Variants in CDH8 observed in about 807,000 individuals in gnomAD.
CDH8 encodes the protein cadherin-8.
A neutral mutation model predicts 68.1 loss-of-function variants in CDH8; 17 were observed. The observed-to-expected ratio is 0.25, with a 90% CI of 0.17 to 0.37. The LOEUF (loss-of-function observed/expected upper bound fraction) is 0.37. Ranked by LOEUF, CDH8 falls within the 10% of genes least tolerant of loss-of-function variation. The probability of loss-of-function intolerance (pLI) is 1.00; values close to 1 mark genes in which losing one functional copy is unlikely to be tolerated. For synonymous variants in CDH8, 372 were observed against 365.1 expected, an observed-to-expected ratio of 1.02 and a Z score of -0.21; for missense variants, 763 against 999.3, an observed-to-expected ratio of 0.76 and a Z score of 3.19.
At chr16:61,692,923 C>A (rs1964258206) in intron 10 of CDH8, 1 of 152,040 alleles carries the variant, frequency 6.6e-6, no homozygotes, top group African/African-American at 2.4e-5. Flanking sequence ...GCAAAGTGGT[C>A]AACTGAGTCA....
intron 8 of CDH8, among the ~76,000 whole-genome samples, chr16:61,787,941 T>TGGG (rs1555510338): frequency 5.6e-4 from 44 of 78,704 alleles, no homozygotes; most frequent in African/African-American, 1.7e-3. Context: ...GGGACTGTGG[T>TGGG]GGGGGGGGCG....
intron 2 of CDH8, chr16:61,940,396 A>ATTTTTTTTTTTT (rs1597078843): frequency 8.3e-6 from 1 of 121,054 alleles, no homozygotes; most frequent in African/African-American, 3.8e-5. Flanking sequence ...GAACTACTTG[A>ATTTTTTTTTTTT]TCTTTTTTTT....
intron 2 of CDH8, among the ~76,000 whole-genome samples, chr16:61,921,166 G>A (rs917461204): frequency 1.0e-4 from 15 of 149,970 alleles, no homozygotes; most frequent in African/African-American, 3.7e-4. Context: ...ATGACGAGTT[G>A]GTGGGTGCAC....
intron 5 of CDH8, among the ~76,000 whole-genome samples, chr16:61,822,450 T>C (rs1237886318): frequency 1.3e-5 from 2 of 151,226 alleles, no homozygotes; most frequent in Non-Finnish European, 1.5e-5. Flanking sequence ...AAAGGAAAAA[T>C]CAAATCTGGA....
intron 8 of CDH8, among the ~76,000 whole-genome samples, chr16:61,776,239 CA>C (rs1960896939): frequency 2.0e-5 from 3 of 152,242 alleles, no homozygotes; most frequent in Admixed American, 2.0e-4. Flanking sequence ...TAACAAACTT[CA>C]AATATAGCCG....
At chr16:61,769,242 A>G (rs8051807) in intron 8 of CDH8, among the ~76,000 whole-genome samples, 12 of 151,694 alleles carry the variant, frequency 7.9e-5, no homozygotes, top group African/African-American at 1.7e-4. Context: ...TCCCTGGACC[A>G]CTCTTTGAAT....
In CDH8 at chr16:61,853,713, G is replaced by A. The variant is rs556589125; in HGVS notation, c.667+3406C>T. On this transcript the variant is annotated intron_variant, in intron 4 of 11. Coordinates refer to ENST00000577390, the MANE Select transcript of CDH8 (RefSeq NM_001796.5). Reference sequence around the variant, plus strand: ...CAGAGGTATGTGGGTCTTAGGTAACGAGTCTCTGCTCATCCATGACATTTT... The same window carrying A: ...CAGAGGTATGTGGGTCTTAGGTAACAAGTCTCTGCTCATCCATGACATTTT... Among the ~76,000 whole-genome samples, 4 of 152,174 alleles carry A rather than the reference G, an allele frequency of 2.6e-5. No individual in the cohort carries two copies. In the East Asian group the frequency reaches 5.8e-4, roughly 22 times the overall value.
intron 2 of CDH8, among the ~76,000 whole-genome samples, chr16:62,019,977 A>G (rs1902032759): frequency 6.6e-6 from 1 of 152,210 alleles, no homozygotes. Context: ...CATCTGGCAC[A>G]TAGGAAAGGC....
intron 3 of CDH8, among the ~76,000 whole-genome samples, chr16:61,890,930 T>G (rs1963763841): frequency 6.6e-6 from 1 of 152,094 alleles, no homozygotes; most frequent in Non-Finnish European, 1.5e-5. Flanking sequence ...CCAGACAGGG[T>G]GAATCTGAGA....
chr16:61,755,400 G>A (rs13331202), intron 8 of CDH8, among the ~76,000 whole-genome samples: 23,835 of 152,022 alleles, frequency 0.16, 3,026 homozygotes, highest in African/African-American at 0.35. Flanking sequence ...TTTATTAAAT[G>A]TGTATTTATG....
At chr16:61,981,799 T>A (rs1000015469) in intron 2 of CDH8, among the ~76,000 whole-genome samples, 2 of 152,120 alleles carry the variant, frequency 1.3e-5, no homozygotes, top group Non-Finnish European at 2.9e-5. Flanking sequence ...TAATAAAGAA[T>A]CTCAGATTAT....
Position 61,653,775 on chromosome 16 carries a change from G to T in CDH8, c.2233C>A (p.Gln745Lys). ...CCTCGGCCTTCATAGCCATATATCT[G>T]AATGGAGTCATATGGCGGGGCCGTG... The part of the protein sequence containing the change: ...DPTAPPYDSI[Q>K]IYGYEGRGSV... Residue 745 changes from glutamine (Q) to lysine (K), a missense_variant, in exon 12 of 12, where the codon CAG (glutamine) becomes AAG (lysine). Physicochemically the swap from Gln to Lys is moderately conservative, Grantham distance 53. This residue lies in a region of CDH8 where 397 missense variants were observed against 436.2 expected (regional missense o/e 0.91). Coordinates refer to ENST00000577390, the MANE Select transcript of CDH8 (RefSeq NM_001796.5). 1 of 1,614,170 alleles carries T rather than the reference G, an allele frequency of 6.2e-7. No individual in the cohort carries two copies.
intron 2 of CDH8, among the ~76,000 whole-genome samples, chr16:62,002,290 C>T (rs986394145): frequency 4.6e-5 from 7 of 151,962 alleles, no homozygotes; most frequent in South Asian, 2.1e-4. Flanking sequence ...CTACTTTACC[C>T]GAGAAACTTC....
At chr16:61,906,732 G>GA (rs894468324) in intron 2 of CDH8, among the ~76,000 whole-genome samples, 1 of 152,090 alleles carries the variant, frequency 6.6e-6, no homozygotes, top group Non-Finnish European at 1.5e-5. Context: ...AAAGAAAGGA[G>GA]ATTTTTCCAT....
intron 3 of CDH8, among the ~76,000 whole-genome samples, chr16:61,899,113 C>T (rs1237213825): frequency 2.6e-5 from 4 of 152,086 alleles, no homozygotes; most frequent in Admixed American, 6.5e-5. Flanking sequence ...TTTATCCTAA[C>T]GCTATCCCTC....
intron 7 of CDH8, among the ~76,000 whole-genome samples, chr16:61,816,821 A>G (rs532950619): frequency 6.6e-6 from 1 of 152,290 alleles, no homozygotes; most frequent in South Asian, 2.1e-4. Context: ...AGCTTTAATA[A>G]AGAATTATTT....
rs1203508424 is a variant in CDH8, at chr16:61,817,660, A to G, written c.1096T>C (p.Phe366Leu). The change falls in exon 7 of 12, where the codon TTC becomes CTC. Residue 366 changes from phenylalanine (F) to leucine (L), a missense_variant. By Grantham distance (22) the Phe-to-Leu change is conservative. Coordinates refer to ENST00000577390, the MANE Select transcript of CDH8 (RefSeq NM_001796.5). ...TCTTTAAAGGGCCCCCTGCCACTGA[A>G]GCGTGGGTCAATATGGACATTGGCT... ...EAANVHIDPR[F>L]SGRGPFKDTA... 3 of 1,613,538 alleles carry G rather than the reference A, an allele frequency of 1.9e-6. No homozygotes were observed. Among genetic ancestry groups the G allele is most frequent in the Non-Finnish European group, 2.5e-6 (3 of 1,179,748 alleles).
At chr16:61,773,334 A>G (rs113396127) in intron 8 of CDH8, among the ~76,000 whole-genome samples, 2 of 152,064 alleles carry the variant, frequency 1.3e-5, no homozygotes, top group African/African-American at 4.8e-5. Context: ...TTGTAAATGC[A>G]TGTCTCTAGT....
At chr16:61,992,656 T>C (rs542367510) in intron 2 of CDH8, among the ~76,000 whole-genome samples, 195 of 152,284 alleles carry the variant, frequency 1.3e-3, no homozygotes, top group African/African-American at 4.6e-3. Flanking sequence ...TTAAATTCCC[T>C]TGGATTCAGT....
Sources: allele counts gnomAD v4.1 joint callset (sites outside exome capture counted in the v4.1 genomes callset), GRCh38; gene constraint gnomAD v4.1.1; regional missense constraint gnomAD v4.1.1; transcripts MANE v1.5; gene names NCBI Gene and HGNC (gene_info 2026-07-23, HGNC 2026-07-21).